The following COBLL1 variants were observed in gnomAD, a reference collection of about 807,000 sequenced individuals.
COBLL1 encodes the protein cordon-bleu protein-like 1.
In COBLL1, 50 loss-of-function variants were observed where a neutral mutation model predicts 94.8. The observed-to-expected ratio is 0.53, with a 90% CI of 0.42 to 0.67. COBLL1 has a LOEUF of 0.67. COBLL1 is among the 30% of genes least tolerant of loss of function. The pLI is 0.00. For synonymous variants in COBLL1, 448 were observed against 473.8 expected, an observed-to-expected ratio of 0.95 and a Z score of 0.71; for missense variants, 1,362 against 1,348.7, an observed-to-expected ratio of 1.01 and a Z score of -0.15.
At chr2:164,811,173 T>C (rs1461857623) in intron 2 of COBLL1, among the ~76,000 whole-genome samples, 1 of 151,890 alleles carries the variant, frequency 6.6e-6, no homozygotes, top group African/African-American at 2.4e-5. Context: ...TTAAAACTAT[T>C]TTGTTTACAT....
intron 3 of COBLL1, among the ~76,000 whole-genome samples, chr2:164,741,272 T>A (rs1686578997): frequency 6.6e-6 from 1 of 151,554 alleles, no homozygotes; most frequent in Non-Finnish European, 1.5e-5. Flanking sequence ...CAAGACTGTC[T>A]CAAAAAACAA....
chr2:164,664,119 AG>A (rs999585216), intron 2 of COBLL1, among the ~76,000 whole-genome samples: 3 of 152,208 alleles, frequency 2.0e-5, no homozygotes, highest in African/African-American at 7.2e-5. Flanking sequence ...TAATGCAGAG[AG>A]GGTAAGGTTT....
In COBLL1 at chr2:164,798,739, G is replaced by A. The variant is rs1228185874; in HGVS notation, c.41+42417C>T. On this transcript the variant is annotated intron_variant, in intron 2 of 13. Coordinates refer to ENST00000652658, the MANE Select transcript of COBLL1 (RefSeq NM_001365672.2). ...GTTTCAGTTAAGAGGGGGTAAGCAGGCTGGGGGCAGTGGCTCACGCCTGTA... is the reference window on the plus strand; with the variant it reads ...GTTTCAGTTAAGAGGGGGTAAGCAGACTGGGGGCAGTGGCTCACGCCTGTA... 2.0e-5 allele frequency among the ~76,000 whole-genome samples: 3 copies of A among 152,238 alleles called. No individual in the cohort carries two copies. In the East Asian group the frequency reaches 5.8e-4, roughly 29 times the overall value.
chr2:164,817,315 C>T (rs187700695), intron 2 of COBLL1, among the ~76,000 whole-genome samples: 4 of 146,374 alleles, frequency 2.7e-5, no homozygotes, highest in East Asian at 2.0e-4. Context: ...GAAAGTTTTC[C>T]GAACTTCTAA....
rs1326319489 is a variant in COBLL1 at position 164,682,333 on chromosome 2, T to C, written c.*3613A>G. ...CTTTCAAGTCAGTTATCAAAATCAG[T>C]AGATTTTAAAAATGATGAGTTTGAT... On this transcript the variant is annotated 3_prime_UTR_variant, in exon 14 of 14. Coordinates refer to ENST00000652658, the MANE Select transcript of COBLL1 (RefSeq NM_001365672.2). 1.3e-5 allele frequency: 2 copies of C among 152,212 alleles called. No homozygotes were observed. Among genetic ancestry groups the C allele is most frequent in the Admixed American group, 6.5e-5 (1 of 15,276 alleles). 9.4% of individuals were successfully genotyped at this position (152,212 alleles called of 1,614,324 possible). A position where few individuals can be genotyped will look rare whatever the true frequency, so the allele number is the denominator to read the frequency against.
chr2:164,667,122 A>G (rs926444727), intron 1 of COBLL1, among the ~76,000 whole-genome samples: 2 of 152,082 alleles, frequency 1.3e-5, no homozygotes, highest in Non-Finnish European at 2.9e-5. Context: ...TAATCTCTTT[A>G]TATATCTTCA....
chr2:164,832,906 G>T (rs1392915495), intron 2 of COBLL1, among the ~76,000 whole-genome samples: 2 of 152,098 alleles, frequency 1.3e-5, no homozygotes, highest in African/African-American at 2.4e-5. Context: ...AGCCGGGTAT[G>T]GTGGCGCATG....
In COBLL1 at chr2:164,820,789, CT is replaced by C. The variant is rs1347850745; in HGVS notation, c.41+20366del. Among the ~76,000 whole-genome samples the C allele has an allele frequency of 2.0e-5, 3 of 152,264 alleles. No homozygotes were observed. In the East Asian group the frequency reaches 5.8e-4, roughly 29 times the overall value. ...TCAGCAGTTTATGAGCAGTGGTAAC[CT>C]GGTTAGGATTCCTTAAATAAGAAAA... On this transcript the variant is annotated intron_variant, in intron 2 of 13. Transcript: ENST00000652658.
intron 2 of COBLL1, among the ~76,000 whole-genome samples, chr2:164,796,502 A>G (rs1683463962): frequency 6.6e-6 from 1 of 152,180 alleles, no homozygotes; most frequent in Non-Finnish European, 1.5e-5. Flanking sequence ...CATTGAAGAA[A>G]ATAGGAATAA....
At chr2:164,787,374 T>A (rs1009636693) in intron 2 of COBLL1, among the ~76,000 whole-genome samples, 3 of 152,168 alleles carry the variant, frequency 2.0e-5, no homozygotes, top group African/African-American at 7.2e-5. Flanking sequence ...TGGTGACTGA[T>A]ACAACTGAAA....
intron 2 of COBLL1, among the ~76,000 whole-genome samples, chr2:164,762,461 A>G (rs1687730485): frequency 6.6e-6 from 1 of 152,214 alleles, no homozygotes. Flanking sequence ...GAACTAGAAA[A>G]GAGTGCTGGA....
At chr2:164,796,793 T>C (rs903462540) in intron 2 of COBLL1, among the ~76,000 whole-genome samples, 1 of 149,926 alleles carries the variant, frequency 6.7e-6, no homozygotes, top group African/African-American at 2.5e-5. Flanking sequence ...GGGCAACATA[T>C]TAAGACTCTC....
chr2:164,803,582 T>TAAATAAATA (rs1683934553), intron 2 of COBLL1, among the ~76,000 whole-genome samples: 3 of 146,430 alleles, frequency 2.0e-5, no homozygotes, highest in South Asian at 2.1e-4. Flanking sequence ...AATAAATAAA[T>TAAATAAATA]AAATAAAATA....
chr2:164,693,162 T>A (rs1281991198), intron 12 of COBLL1, among the ~76,000 whole-genome samples: 1 of 152,138 alleles, frequency 6.6e-6, no homozygotes, highest in Non-Finnish European at 1.5e-5. Context: ...CTTAAAAGCT[T>A]TATTATCTAA....
At chr2:164,839,862 G>A (rs1478377579) in intron 2 of COBLL1, among the ~76,000 whole-genome samples, 1 of 152,106 alleles carries the variant, frequency 6.6e-6, no homozygotes, top group Non-Finnish European at 1.5e-5. Context: ...GAAAAACCTG[G>A]GGAAAGAAAA....
intron 2 of COBLL1, among the ~76,000 whole-genome samples, chr2:164,807,852 CGTT>C (rs984562092): frequency 5.3e-5 from 8 of 152,012 alleles, no homozygotes; most frequent in Admixed American, 6.6e-5. Flanking sequence ...GACAGAGTCT[CGTT>C]GTCACCTAGG....
chr2:164,782,477 A>T (rs1688763413), intron 2 of COBLL1, among the ~76,000 whole-genome samples: 1 of 152,120 alleles, frequency 6.6e-6, no homozygotes, highest in Non-Finnish European at 1.5e-5. Context: ...CATATTATTC[A>T]CATTAAAAAA....
At chr2:164,759,433 T>C (rs1687573136) in intron 2 of COBLL1, among the ~76,000 whole-genome samples, 1 of 152,028 alleles carries the variant, frequency 6.6e-6, no homozygotes, top group Non-Finnish European at 1.5e-5. Flanking sequence ...ATTTAAAACA[T>C]AAACTTAAAA....
intron 3 of COBLL1, among the ~76,000 whole-genome samples, chr2:164,737,145 G>A (rs1289745009): frequency 6.6e-6 from 1 of 152,118 alleles, no homozygotes; most frequent in African/African-American, 2.4e-5. Context: ...CTGGGCAATG[G>A]AGTGAGACCC....
Sources: gnomAD v4.1 joint callset for allele counts (sites outside exome capture counted in the v4.1 genomes callset) on GRCh38, gnomAD v4.1.1 for gene constraint, MANE v1.5 for transcripts, NCBI Gene and HGNC (gene_info 2026-07-23, HGNC 2026-07-21) for gene names.